Variants in ATL2 observed in about 807,000 individuals in gnomAD.
The protein encoded by ATL2 is atlastin-2.
A neutral mutation model predicts 73.9 loss-of-function variants in ATL2; 31 were observed. The observed-to-expected ratio is 0.42, with a 90% CI of 0.32 to 0.57. The LOEUF is 0.57. Ranked by LOEUF, ATL2 falls within the 20% of genes least tolerant of loss-of-function variation. The probability of loss-of-function intolerance (pLI) is 0.14; values close to 1 mark genes in which losing one functional copy is unlikely to be tolerated. For synonymous variants in ATL2, 291 were observed against 237.5 expected (o/e 1.23, Z -2.07); for missense variants, 738 against 702.6 (o/e 1.05, Z -0.57).
rs374101259 is a variant in ATL2 at position 38,299,353 on chromosome 2, A to G, written c.1129-26T>C. 36 of 1,519,320 alleles carry G rather than the reference A, an allele frequency of 2.4e-5. 1 individual carries two copies. The African/African-American group carries it at 3.2e-4, about 14-fold the overall frequency. 94.1% of individuals were successfully genotyped at this position (1,519,320 alleles called of 1,614,324 possible). On this transcript the variant is annotated intron_variant, in intron 10 of 12. Coordinates refer to ENST00000378954, the MANE Select transcript of ATL2 (RefSeq NM_001135673.4). ...CTAAAAAATAAAATATGCCATTATT[A>G]TGCAAAAAATACTCTATGACTCTAA... is the stretch of plus-strand genomic sequence containing the variant.
In ATL2 at chr2:38,294,203, A is replaced by G. The variant is rs1203563554; in HGVS notation, c.*1791T>C. 2.0e-5 allele frequency among the ~76,000 whole-genome samples: 3 copies of G among 152,220 alleles called. No homozygotes were observed. Among genetic ancestry groups the G allele is most frequent in the African/African-American group, 7.2e-5 (3 of 41,452 alleles). On this transcript the variant is annotated 3_prime_UTR_variant, in exon 13 of 13. Coordinates refer to ENST00000378954, the MANE Select transcript of ATL2 (RefSeq NM_001135673.4). ...GAGCGAAGATGTATCAACCAAAGTA[A>G]ATTCAGAGTTTTCACACATGCAACT...
chr2:38,326,602 A>C lies in ATL2; in HGVS notation c.364-7583T>G, dbSNP rs562194640. On this transcript the variant is annotated intron_variant, in intron 2 of 12. Transcript: ENST00000378954. ...TATATTATAGCCTAGCTGCAAAGTA[A>C]CACAAAAAGAAAATCTTGAAAGAAG... 2.0e-5 allele frequency among the ~76,000 whole-genome samples: 3 copies of C among 152,348 alleles called. No homozygotes were observed. The East Asian group carries it at 5.8e-4, about 29-fold the overall frequency.
intron 1 of ATL2, among the ~76,000 whole-genome samples, chr2:38,360,374 C>G (rs924419108): frequency 2.6e-5 from 4 of 151,704 alleles, no homozygotes; most frequent in Non-Finnish European, 4.4e-5. Context: ...TGGCCTTGAC[C>G]CCCAAGGCTC....
chr2:38,322,535 AG>A (rs1047126203), intron 2 of ATL2, among the ~76,000 whole-genome samples: 3 of 152,254 alleles, frequency 2.0e-5, no homozygotes, highest in African/African-American at 7.2e-5. Flanking sequence ...ATAAAAAGAC[AG>A]TAAAAATAAA....
intron 2 of ATL2, among the ~76,000 whole-genome samples, chr2:38,330,534 G>C (rs1326113053): frequency 6.6e-6 from 1 of 152,038 alleles, no homozygotes; most frequent in Admixed American, 6.6e-5. Context: ...AAAATTATTG[G>C]AACTAATGAA....
intron 2 of ATL2, 114 bp downstream of exon 2, chr2:38,343,149 TAAAAA>T (rs59215933): frequency 6.1e-4 from 222 of 364,354 alleles, no homozygotes; most frequent in Middle Eastern, 2.2e-3. Context: ...CCACTTAAAT[TAAAAA>T]AAAAAAAAAA....
At chr2:38,349,143 T>A (rs1404486230) in intron 1 of ATL2, among the ~76,000 whole-genome samples, 1 of 151,904 alleles carries the variant, frequency 6.6e-6, no homozygotes, top group African/African-American at 2.4e-5. Context: ...GAACTAGAAA[T>A]ACCATTTGAC....
intron 2 of ATL2, among the ~76,000 whole-genome samples, chr2:38,340,105 C>T (rs886860834): frequency 7.4e-6 from 1 of 135,788 alleles, no homozygotes; most frequent in Non-Finnish European, 1.5e-5. Context: ...TGATTTCATT[C>T]ACGTAAAGTT....
At chr2:38,309,539 C>T (rs369343703) in intron 8 of ATL2, 33 bp from the exon 9 acceptor site, 1 of 1,589,104 alleles carries the variant, frequency 6.3e-7, no homozygotes, top group Non-Finnish European at 8.5e-7. Context: ...ACATATTAGT[C>T]CAAAAAAAAT....
chr2:38,363,166 T>C (rs560897949), intron 1 of ATL2, among the ~76,000 whole-genome samples: 1 of 152,296 alleles, frequency 6.6e-6, no homozygotes, highest in African/African-American at 2.4e-5. Context: ...AGGATACACA[T>C]TTTGTAAGTA....
rs755582696 is a variant in ATL2, at chr2:38,360,128, CAAAAAAAAA to C, written c.119-16625_119-16617del. 2.6e-3 allele frequency among the ~76,000 whole-genome samples: 210 copies of C among 81,962 alleles called. 1 individual carries two copies. The highest frequency in any genetic ancestry group is 7.1e-3 in the African/African-American group (196 of 27,556). 53.8% of individuals were successfully genotyped at this position (81,962 alleles called of 152,430 possible). On this transcript the variant is annotated intron_variant, in intron 1 of 12. Coordinates refer to ENST00000378954, the MANE Select transcript of ATL2 (RefSeq NM_001135673.4). The stretch of plus-strand genomic sequence containing the variant: ...GCCTGGGCAGAGCAAGGCTCCATTT[CAAAAAAAAA>C]AAAAAAAAAAAAGAATACTAAAGTA...
At chr2:38,377,368 GCCTGTATCTCCTCGCCCTCC>G (rs1672053345), upstream of ATL2, 1 of 844,698 alleles carries the variant, frequency 1.2e-6, no homozygotes, top group Admixed American at 3.0e-5. Context: ...GCCGCTCTCC[GCCTGTATCTCCTCGCCCTCC>G]GCCTGTATCT....
At chr2:38,335,603 G>GA (rs1199299285) in intron 2 of ATL2, among the ~76,000 whole-genome samples, 3 of 152,114 alleles carry the variant, frequency 2.0e-5, no homozygotes, top group African/African-American at 7.2e-5. Flanking sequence ...CAGTAACTGG[G>GA]AAGGGGAATT....
At chr2:38,316,336 T>C (rs1050624803) in intron 4 of ATL2, among the ~76,000 whole-genome samples, 1 of 152,230 alleles carries the variant, frequency 6.6e-6, no homozygotes, top group Non-Finnish European at 1.5e-5. Context: ...GACCAACCTA[T>C]GTGGGCCTCT....
intron 1 of ATL2, among the ~76,000 whole-genome samples, chr2:38,355,301 AT>A (rs1302665768): frequency 1.3e-5 from 2 of 152,014 alleles, no homozygotes; most frequent in Non-Finnish European, 2.9e-5. Flanking sequence ...TAACTTCTGT[AT>A]TTTTAGTAGA....
At chr2:38,310,532 C>G in intron 7 of ATL2, 85 bp from the exon 8 acceptor site, 2 of 1,162,532 alleles carry the variant, frequency 1.7e-6, no homozygotes, top group South Asian at 3.4e-5. Context: ...CGCATGCACA[C>G]TATGCACACT....
At chr2:38,304,502 T>C (rs1206357435) in intron 9 of ATL2, among the ~76,000 whole-genome samples, 1 of 152,130 alleles carries the variant, frequency 6.6e-6, no homozygotes, top group Non-Finnish European at 1.5e-5. Flanking sequence ...AGAATATTAT[T>C]AACAATAATT....
In ATL2 at chr2:38,316,647, C is replaced by G. The variant is rs1049562106; in HGVS notation, c.604-1313G>C. Among the ~76,000 whole-genome samples the G allele has an allele frequency of 3.3e-5, 5 of 152,040 alleles. No homozygotes were observed. In the East Asian group the frequency reaches 9.7e-4, roughly 29 times the overall value. On this transcript the variant is annotated intron_variant, in intron 4 of 12. Transcript: ENST00000378954. ...ATACTTTACAAAGCACTTTCATATG[C>G]ATTATCTCATTTAGCTCTCATTTCT...
intron 1 of ATL2, among the ~76,000 whole-genome samples, chr2:38,367,784 C>A (rs1002570371): frequency 9.9e-5 from 15 of 151,212 alleles, no homozygotes; most frequent in African/African-American, 3.6e-4. Flanking sequence ...AGGCGCTTGC[C>A]ACCATGCCCA....
Sources: allele counts gnomAD v4.1 joint callset (sites outside exome capture counted in the v4.1 genomes callset), GRCh38; gene constraint gnomAD v4.1.1; transcripts MANE v1.5; gene names NCBI Gene and HGNC (gene_info 2026-07-23, HGNC 2026-07-21).